The following PXDNL variants were observed in gnomAD, a reference collection of about 807,000 sequenced individuals.
The protein encoded by PXDNL is peroxidasin like.
Under a neutral mutation model 150.8 loss-of-function variants are expected in PXDNL, and 145 were observed. The ratio of observed to expected loss-of-function variants is 0.96; its 90% CI spans 0.84 to 1.10. The LOEUF is 1.10. PXDNL is among the 50% of genes least tolerant of loss of function. The probability of loss-of-function intolerance (pLI) is 0.00; values close to 1 mark genes in which losing one functional copy is unlikely to be tolerated. For missense variants in PXDNL, 2,087 were observed against 1,873.9 expected (o/e 1.11, Z -2.10); for synonymous variants, 757 against 725.7 (o/e 1.04, Z -0.69).
At chr8:51,606,912 T>C (rs1322347399) in intron 2 of PXDNL, among the ~76,000 whole-genome samples, 4 of 152,152 alleles carry the variant, frequency 2.6e-5, no homozygotes, top group East Asian at 1.9e-4. Context: ...GTGGTTACCA[T>C]ATTGGACAGC....
chr8:51,634,618 T>G (rs541653095), intron 2 of PXDNL, among the ~76,000 whole-genome samples: 1 of 152,266 alleles, frequency 6.6e-6, no homozygotes, highest in East Asian at 1.9e-4. Context: ...GAGCATGGAC[T>G]GTTTTTCCAT....
intron 12 of PXDNL, among the ~76,000 whole-genome samples, chr8:51,444,173 G>T (rs1809617687): frequency 6.6e-6 from 1 of 152,130 alleles, no homozygotes; most frequent in Non-Finnish European, 1.5e-5. Flanking sequence ...TACAAACAAA[G>T]GATATAATGA....
intron 12 of PXDNL, among the ~76,000 whole-genome samples, chr8:51,429,984 A>C (rs1809211812): frequency 1.3e-5 from 2 of 152,102 alleles, no homozygotes; most frequent in African/African-American, 4.8e-5. Flanking sequence ...TGGACATCTC[A>C]TGAGAACCAG....
intron 1 of PXDNL, among the ~76,000 whole-genome samples, chr8:51,672,030 G>A (rs1815507531): frequency 6.6e-6 from 1 of 152,112 alleles, no homozygotes; most frequent in Non-Finnish European, 1.5e-5. Context: ...CACCCAGGCT[G>A]GAGTGCAGTG....
chr8:51,649,726 T>G (rs1366711550), intron 2 of PXDNL, among the ~76,000 whole-genome samples: 1 of 152,222 alleles, frequency 6.6e-6, no homozygotes. Flanking sequence ...TTATTTTACT[T>G]TTTATTTTTG....
chr8:51,380,916 T>G (rs1430731308), intron 17 of PXDNL, among the ~76,000 whole-genome samples: 1 of 152,206 alleles, frequency 6.6e-6, no homozygotes, highest in Non-Finnish European at 1.5e-5. Context: ...TTAATCGGCT[T>G]ATGTCCTAAA....
At chr8:51,618,861 A>G (rs1814182155) in intron 2 of PXDNL, among the ~76,000 whole-genome samples, 1 of 152,186 alleles carries the variant, frequency 6.6e-6, no homozygotes, top group Non-Finnish European at 1.5e-5. Context: ...CACTCAAAAA[A>G]TGTCGGTGGT....
At chr8:51,658,580 C>T (rs1455236759) in intron 1 of PXDNL, among the ~76,000 whole-genome samples, 1 of 151,996 alleles carries the variant, frequency 6.6e-6, no homozygotes, top group African/African-American at 2.4e-5. Flanking sequence ...TAATTTGAAT[C>T]CCAGGTCTTT....
chr8:51,764,827 G>A (rs1400835051), intron 1 of PXDNL, among the ~76,000 whole-genome samples: 4 of 152,126 alleles, frequency 2.6e-5, no homozygotes, highest in Non-Finnish European at 5.9e-5. Flanking sequence ...GTCTAGCTGC[G>A]TTATGGTGTT....
intron 19 of PXDNL, among the ~76,000 whole-genome samples, chr8:51,354,797 G>A (rs751071021): frequency 1.3e-5 from 2 of 152,032 alleles, no homozygotes; most frequent in Non-Finnish European, 2.9e-5. Flanking sequence ...GCAGAATGCT[G>A]TATTTGGAAG....
chr8:51,587,786 T>G (rs1372833262), intron 3 of PXDNL, among the ~76,000 whole-genome samples: 1 of 152,184 alleles, frequency 6.6e-6, no homozygotes, highest in South Asian at 2.1e-4. Context: ...ATCAAGCATT[T>G]ATTGAGTACC....
chr8:51,539,669 C>T (rs1812168476), intron 4 of PXDNL, among the ~76,000 whole-genome samples: 1 of 152,180 alleles, frequency 6.6e-6, no homozygotes, highest in Admixed American at 6.5e-5. Flanking sequence ...TTTATCCTCT[C>T]TTCTTGAGTT....
intron 1 of PXDNL, among the ~76,000 whole-genome samples, chr8:51,783,523 A>G (rs2037434444): frequency 6.6e-6 from 1 of 152,230 alleles, no homozygotes; most frequent in African/African-American, 2.4e-5. Flanking sequence ...CCAGCAGTAT[A>G]GGAGATGGAA....
At chr8:51,614,332 G>A (rs1814086947) in intron 2 of PXDNL, among the ~76,000 whole-genome samples, 1 of 152,212 alleles carries the variant, frequency 6.6e-6, no homozygotes, top group Admixed American at 6.5e-5. Flanking sequence ...CTAACTGTAT[G>A]TGTAAACAGA....
intron 1 of PXDNL, among the ~76,000 whole-genome samples, chr8:51,798,731 G>T (rs543844002): frequency 6.6e-6 from 1 of 152,210 alleles, no homozygotes; most frequent in African/African-American, 2.4e-5. Context: ...TACACTGTTG[G>T]TGGGAATGTA....
intron 6 of PXDNL, among the ~76,000 whole-genome samples, chr8:51,480,823 T>C (rs764165913): frequency 6.6e-6 from 1 of 152,234 alleles, no homozygotes; most frequent in African/African-American, 2.4e-5. Flanking sequence ...TCCTTTGCTC[T>C]TTCTTCATTT....
At chr8:51,765,073 A>G (rs961379497) in intron 1 of PXDNL, among the ~76,000 whole-genome samples, 1 of 152,136 alleles carries the variant, frequency 6.6e-6, no homozygotes, top group Non-Finnish European at 1.5e-5. Context: ...CTTCAATTGT[A>G]TGTTGTCTGA....
At chr8:51,541,187 G>A (rs1812208895) in intron 4 of PXDNL, among the ~76,000 whole-genome samples, 1 of 151,040 alleles carries the variant, frequency 6.6e-6, no homozygotes, top group Admixed American at 6.6e-5. Flanking sequence ...GAACCCGGGA[G>A]GCAGAGGTTG....
At chr8:51,791,826 G>C (rs980993392) in intron 1 of PXDNL, among the ~76,000 whole-genome samples, 2 of 152,168 alleles carry the variant, frequency 1.3e-5, no homozygotes, top group Non-Finnish European at 2.9e-5. Context: ...GGCTGTTCTT[G>C]AAAGTTAGAT....
Sources: gnomAD v4.1 joint callset for allele counts (sites outside exome capture counted in the v4.1 genomes callset) on GRCh38, gnomAD v4.1.1 for gene constraint, MANE v1.5 for transcripts, NCBI Gene and HGNC (gene_info 2026-07-23, HGNC 2026-07-21) for gene names.